Variants in NOX4 observed in about 807,000 individuals in gnomAD.
NOX4 encodes the protein kidney oxidase-1.
Under a neutral mutation model 87.6 loss-of-function variants are expected in NOX4, and 69 were observed. That is an observed-to-expected ratio of 0.79 (90% confidence interval 0.65 to 0.96). The LOEUF (loss-of-function observed/expected upper bound fraction) is 0.96. Ranked by LOEUF, NOX4 falls within the 40% of genes least tolerant of loss-of-function variation. The pLI, the probability that NOX4 is intolerant of heterozygous loss-of-function variation, is 0.00. For missense variants in NOX4, 680 were observed against 681.5 expected, an observed-to-expected ratio of 1.00 and a Z score of 0.02; for synonymous variants, 275 against 238.2, an observed-to-expected ratio of 1.15 and a Z score of -1.42.
At chr11:89,443,040 G>C (rs930700906) in intron 5 of NOX4, among the ~76,000 whole-genome samples, 1 of 152,092 alleles carries the variant, frequency 6.6e-6, no homozygotes, top group Admixed American at 6.6e-5. Context: ...GCCTGCTAAG[G>C]AGCGGGAATT....
At chr11:89,412,558 C>G (rs959576163) in intron 8 of NOX4, among the ~76,000 whole-genome samples, 2 of 151,888 alleles carry the variant, frequency 1.3e-5, no homozygotes, top group Non-Finnish European at 2.9e-5. Context: ...CTCCTGATAA[C>G]CAGTGAGTCA....
the NOX4 span, chr11:89,546,625 A>G: frequency 5.3e-5 from 8 of 152,346 alleles, 1 homozygote; most frequent in East Asian, 5.8e-4. Context: ...AAAGAAAAAA[A>G]TAATTTCTCA....
chr11:89,328,109 C>T (rs1945293573), intron 17 of NOX4, among the ~76,000 whole-genome samples: 1 of 152,072 alleles, frequency 6.6e-6, no homozygotes, highest in Admixed American at 6.6e-5. Context: ...TACATTAAGG[C>T]CCAAACAGCT....
At chr11:89,369,952 G>GT (rs1021656486) in intron 12 of NOX4, among the ~76,000 whole-genome samples, 2 of 151,630 alleles carry the variant, frequency 1.3e-5, no homozygotes, top group African/African-American at 4.8e-5. Flanking sequence ...CTTTAAACAC[G>GT]TAACACATGT....
chr11:89,435,491 TA>T lies in NOX4; in HGVS notation c.476-2636del, dbSNP rs1257537500. On this transcript the variant is annotated intron_variant, in intron 6 of 17. Transcript: ENST00000263317. ...TCCTTGAAATATTAGTTTCTATTAC[TA>T]AAAATACTATAACCATTCCTTAAAA... 2.6e-5 allele frequency among the ~76,000 whole-genome samples: 4 copies of T among 152,230 alleles called. No individual in the cohort carries two copies. In the East Asian group the frequency reaches 7.7e-4, roughly 29 times the overall value.
chr11:89,537,614 GC>G, the NOX4 span, among the ~76,000 whole-genome samples: 1 of 150,942 alleles, frequency 6.6e-6, no homozygotes, highest in Non-Finnish European at 1.5e-5. Context: ...GACACTCAGG[GC>G]CCCCCCGAGG....
chr11:89,403,374 T>C (rs1941985092), intron 8 of NOX4, among the ~76,000 whole-genome samples: 1 of 152,182 alleles, frequency 6.6e-6, no homozygotes, highest in Non-Finnish European at 1.5e-5. Context: ...TTGGAAATGC[T>C]TGAAAATTTT....
chr11:89,386,726 A>T (rs1940733753), intron 11 of NOX4, among the ~76,000 whole-genome samples: 2 of 152,120 alleles, frequency 1.3e-5, no homozygotes, highest in South Asian at 4.1e-4. Flanking sequence ...TACCTAAATC[A>T]ATCTGGCCTG....
chr11:89,452,214 A>G (rs1944992469), intron 2 of NOX4, among the ~76,000 whole-genome samples: 1 of 152,188 alleles, frequency 6.6e-6, no homozygotes, highest in African/African-American at 2.4e-5. Context: ...AAGAGCCTTA[A>G]GAGTTTCTGT....
the NOX4 span, among the ~76,000 whole-genome samples, chr11:89,527,190 G>A: frequency 3.3e-5 from 5 of 152,168 alleles, no homozygotes; most frequent in African/African-American, 1.2e-4. Flanking sequence ...AAACTTCTAA[G>A]CAGCAAAACA....
intron 11 of NOX4, among the ~76,000 whole-genome samples, chr11:89,399,142 G>T (rs1941672024): frequency 6.6e-6 from 1 of 151,422 alleles, no homozygotes; most frequent in South Asian, 2.1e-4. Flanking sequence ...AATATTAAAT[G>T]ATATGCTGAC....
At chr11:89,527,077 T>C in the NOX4 span, among the ~76,000 whole-genome samples, 1 of 152,180 alleles carries the variant, frequency 6.6e-6, no homozygotes, top group African/African-American at 2.4e-5. Flanking sequence ...TAAAGGTGAC[T>C]CTTACTATGC....
chr11:89,540,501 G>A, the NOX4 span, among the ~76,000 whole-genome samples: 69 of 151,354 alleles, frequency 4.6e-4, no homozygotes, highest in Admixed American at 2.0e-3. Flanking sequence ...AATTTTGAAA[G>A]CTTCGGCCGG....
At chr11:89,376,756 C>A (rs7395765) in intron 11 of NOX4, among the ~76,000 whole-genome samples, 2 of 152,096 alleles carry the variant, frequency 1.3e-5, no homozygotes, top group South Asian at 4.1e-4. Flanking sequence ...GTGGTAGGTG[C>A]CTGTGGTCCC....
intron 6 of NOX4, among the ~76,000 whole-genome samples, chr11:89,438,862 ATATT>A (rs1354217951): frequency 1.2e-3 from 56 of 47,890 alleles, no homozygotes; most frequent in Middle Eastern, 0.023. Flanking sequence ...AATATATTAT[ATATT>A]ATATATATAA....
At chr11:89,353,505 T>C (rs1204983986) in intron 13 of NOX4, among the ~76,000 whole-genome samples, 4 of 152,182 alleles carry the variant, frequency 2.6e-5, no homozygotes, top group Admixed American at 2.0e-4. Flanking sequence ...ATAGTATTTC[T>C]AGACATATCT....
chr11:89,394,977 C>T (rs1234456692), intron 11 of NOX4, among the ~76,000 whole-genome samples: 1 of 152,128 alleles, frequency 6.6e-6, no homozygotes, highest in Non-Finnish European at 1.5e-5. Flanking sequence ...GTGCATGTGT[C>T]TTTATAGTAG....
intron 6 of NOX4, among the ~76,000 whole-genome samples, chr11:89,435,165 T>C (rs564164536): frequency 6.6e-6 from 1 of 152,098 alleles, no homozygotes; most frequent in South Asian, 2.1e-4. Context: ...AAAGAAGAGG[T>C]CAGTCTCACT....
At chr11:89,493,320 G>A (rs945880479), upstream of NOX4, among the ~76,000 whole-genome samples, 1 of 152,028 alleles carries the variant, frequency 6.6e-6, no homozygotes, top group African/African-American at 2.4e-5. Flanking sequence ...GGGAGGCAGA[G>A]GTTGCGGTGA....
Sources: allele counts gnomAD v4.1 joint callset (sites outside exome capture counted in the v4.1 genomes callset), GRCh38; gene constraint gnomAD v4.1.1; transcripts MANE v1.5; gene names NCBI Gene and HGNC (gene_info 2026-07-23, HGNC 2026-07-21).